MAPKBP1: variants seen among roughly 807,000 people sequenced by gnomAD.
The protein encoded by MAPKBP1 is mitogen-activated protein kinase binding protein 1, also known as mitogen-activated protein kinase-binding protein 1.
In MAPKBP1, 71 loss-of-function variants were observed where a neutral mutation model predicts 170.5. The ratio of observed to expected loss-of-function variants is 0.42; its 90% CI spans 0.34 to 0.51. The LOEUF (loss-of-function observed/expected upper bound fraction) is 0.51, where lower values mean the gene tolerates loss of function less well. Among genes scored for constraint, MAPKBP1 ranks in the 20% least tolerant of loss-of-function variants. The probability of loss-of-function intolerance (pLI) is 0.06; values close to 1 mark genes in which losing one functional copy is unlikely to be tolerated. For synonymous variants in MAPKBP1, 719 were observed against 757.9 expected, an observed-to-expected ratio of 0.95 and a Z score of 0.84; for missense variants, 1,598 against 1,933.0, an observed-to-expected ratio of 0.83 and a Z score of 3.25.
intron 6 of MAPKBP1, 93 bp from the exon 7 acceptor site, chr15:41,812,423 A>C: frequency 6.5e-7 from 1 of 1,533,068 alleles, no homozygotes; most frequent in Non-Finnish European, 9.0e-7. Context: ...CACTTTGTCA[A>C]GTACAAATTC....
chr15:41,781,027 C>CT (rs2064177336), intron 2 of MAPKBP1, among the ~76,000 whole-genome samples: 1 of 151,806 alleles, frequency 6.6e-6, no homozygotes, highest in Non-Finnish European at 1.5e-5. Context: ...AAATTCCCCC[C>CT]TCTCATTTTG....
intron 3 of MAPKBP1, among the ~76,000 whole-genome samples, chr15:41,806,631 T>TA (rs1022182326): frequency 1.3e-5 from 2 of 152,180 alleles, no homozygotes; most frequent in African/African-American, 4.8e-5. Flanking sequence ...GCTGAGGCCT[T>TA]ACGTCCTTCT....
intron 2 of MAPKBP1, among the ~76,000 whole-genome samples, chr15:41,779,500 C>T (rs183260548): frequency 5.9e-5 from 9 of 152,120 alleles, no homozygotes; most frequent in East Asian, 3.9e-4. Flanking sequence ...TGAGCCACCA[C>T]GCCCGGCCAG....
chr15:41,819,557 G>GGGGGCCCCCCCCCCCCCCCCCCC, intron 21 of MAPKBP1, 38 bp from the exon 22 acceptor site: 1 of 1,384,690 alleles, frequency 7.2e-7, no homozygotes, highest in Non-Finnish European at 1.0e-6. Flanking sequence ...CGGGGGGGGG[G>GGGGGCCCCCCCCCCCCCCCCCCC]CAGGAGACAC....
rs138326762 is a variant in MAPKBP1 at position 41,819,608 on chromosome 15, C to A, written c.2439C>A (p.Ser813Arg). 1.9e-6 allele frequency: 3 copies of A among 1,612,778 alleles called. No individual in the cohort carries two copies. The highest frequency in any genetic ancestry group is 1.3e-5 in the African/African-American group (1 of 74,844). The change falls in exon 22 of 31, where the codon AGC becomes AGA. Residue 813 changes from serine (S) to arginine (R), a missense_variant. Ser to Arg is a moderately radical substitution (Grantham distance 110). This residue lies in a region of MAPKBP1 where 942 missense variants were observed against 953.2 expected (regional missense o/e 0.99). Transcript: ENST00000457542. ...GTTTCTGTCTAGCCTCGGTCCCCAG[C>A]CCAGCTTTGCCCCGAAGCCTGTCCC... is the stretch of plus-strand genomic sequence containing the variant. ...STKKALASVPSPALPRSLSHW... is the reference protein window; with the variant it reads ...STKKALASVPRPALPRSLSHW...
In MAPKBP1 at chr15:41,817,712, C is replaced by G; in HGVS notation, c.1881C>G (p.Ile627Met). The change falls in exon 16 of 31, where the codon ATC becomes ATG. Residue 627 changes from isoleucine (I) to methionine (M), a missense_variant. Physicochemically the swap from Ile to Met is conservative, Grantham distance 10. This residue lies in a region of MAPKBP1 where 430 missense variants were observed against 617.2 expected (regional missense o/e 0.70). Transcript: ENST00000457542. This position sits in a 1 kb window ranked among gnomAD's most constrained non-coding sequence, Gnocchi z 4.2. ...DVEPSWKYTA[I>M]GCQDRNIRIF... ...AGCCCAGCTGGAAGTACACGGCTATCGGCTGCCAGGACCGAAATATTCGGT... is the reference window on the plus strand; with the variant it reads ...AGCCCAGCTGGAAGTACACGGCTATGGGCTGCCAGGACCGAAATATTCGGT... The G allele has an allele frequency of 6.2e-7, 1 of 1,613,982 alleles. No individual in the cohort carries two copies.
At chr15:41,805,437 C>T (rs2152075809) in intron 3 of MAPKBP1, among the ~76,000 whole-genome samples, 1 of 152,366 alleles carries the variant, frequency 6.6e-6, no homozygotes, top group South Asian at 2.1e-4. Flanking sequence ...GTGCCCAGTC[C>T]TGAGAATGGG....
intron 28 of MAPKBP1, 80 bp downstream of exon 28, chr15:41,823,302 G>T: frequency 6.4e-7 from 1 of 1,556,906 alleles, no homozygotes; most frequent in Non-Finnish European, 8.7e-7. Context: ...AGGGCCTGGT[G>T]TGGCCCTGAT....
intron 9 of MAPKBP1, among the ~76,000 whole-genome samples, chr15:41,814,330 G>T (rs2064854153): frequency 6.6e-6 from 1 of 152,206 alleles, no homozygotes; most frequent in Admixed American, 6.5e-5. Flanking sequence ...TAACGTTGGT[G>T]TTCTGTGAAG....
At chr15:41,787,543 T>G (rs2064320512) in intron 2 of MAPKBP1, among the ~76,000 whole-genome samples, 1 of 152,100 alleles carries the variant, frequency 6.6e-6, no homozygotes, top group African/African-American at 2.4e-5. Flanking sequence ...AATTTTTGTA[T>G]TTTTAGTAGA....
chr15:41,817,041 G>A lies in MAPKBP1; in HGVS notation c.1711+6G>A. On this transcript the variant is annotated splice_donor_region_variant and intron_variant, in intron 14 of 30. Coordinates refer to ENST00000457542, the MANE Select transcript of MAPKBP1 (RefSeq NM_014994.3). The surrounding 1 kb of genome is among the most constrained non-coding windows in gnomAD (Gnocchi z 4.2). ...CACTGCTGTTAAGTTTGCAGGTGCG[G>A]GCAGGGTGAATGAGACACATCCTGC... 1 of 1,578,592 alleles carries A rather than the reference G, an allele frequency of 6.3e-7. No individual in the cohort carries two copies. The highest frequency in any genetic ancestry group is 8.6e-7 in the Non-Finnish European group (1 of 1,158,958).
At chr15:41,811,493 G>A in intron 5 of MAPKBP1, 1 of 685,586 alleles carries the variant, frequency 1.5e-6, no homozygotes, top group Non-Finnish European at 2.7e-6. Context: ...TCTGAAATGT[G>A]CATTTGTAAC....
chr15:41,800,014 AGAT>A, intron 3 of MAPKBP1, 100 bp downstream of exon 3: 15 of 965,648 alleles, frequency 1.6e-5, no homozygotes, highest in South Asian at 2.7e-5. Context: ...TCTGGAAGAT[AGAT>A]ACAGGTTAAT....
At chr15:41,812,252 A>G in intron 6 of MAPKBP1, 125 bp downstream of exon 6, 1 of 1,393,766 alleles carries the variant, frequency 7.2e-7, no homozygotes, top group Non-Finnish European at 9.9e-7. Context: ...CTAGAAAGTT[A>G]TTTGAAGCAG....
Position 41,827,731 on chromosome 15 carries a change from T to G in MAPKBP1, c.*2295T>G. 1 of 173,396 alleles carries G rather than the reference T, an allele frequency of 5.8e-6. No homozygotes were observed. The highest frequency in any genetic ancestry group is 1.2e-5 in the Non-Finnish European group (1 of 81,970). The allele number at this position is 173,396 out of a possible 1,614,324, so 10.7% of individuals were successfully genotyped here. ...TTTGAAAGCCCCTTATTTATAACTT[T>G]TATACTTTGTGCAGGTCGCGGCGCT... On this transcript the variant is annotated 3_prime_UTR_variant, in exon 31 of 31. Coordinates refer to ENST00000457542, the MANE Select transcript of MAPKBP1 (RefSeq NM_014994.3).
In MAPKBP1 at chr15:41,795,021, C is replaced by T. The variant is rs141193970; in HGVS notation, c.115-4802C>T. ...CTCTACCAAAAATACAAAAATTAGC[C>T]GGGCATGATGGTGGGCACCTGTAAT... On this transcript the variant is annotated intron_variant, in intron 2 of 30. Coordinates refer to ENST00000457542, the MANE Select transcript of MAPKBP1 (RefSeq NM_014994.3). Among the ~76,000 whole-genome samples, 577 of 151,886 alleles carry T rather than the reference C, an allele frequency of 3.8e-3. 3 individuals carry two copies. Among genetic ancestry groups the T allele is most frequent in the African/African-American group, 0.013 (553 of 41,444 alleles).
intron 6 of MAPKBP1, among the ~76,000 whole-genome samples, 184 bp downstream of exon 6, chr15:41,812,311 A>G (rs1444880187): frequency 1.3e-5 from 2 of 152,218 alleles, no homozygotes; most frequent in African/African-American, 4.8e-5. Flanking sequence ...GGCTAGCTTT[A>G]TGCCTTCAAA....
At position 41,819,253 on chromosome 15, in the gene MAPKBP1, G is replaced by C. The variant is rs980499574; in HGVS notation, c.2299G>C (p.Ala767Pro). 2 of 1,613,952 alleles carry C rather than the reference G, an allele frequency of 1.2e-6. No homozygotes were observed. Among genetic ancestry groups the C allele is most frequent in the East Asian group, 2.2e-5 (1 of 44,866 alleles). Residue 767 changes from alanine (A) to proline (P), a missense_variant, in exon 21 of 31, where the codon GCC becomes CCC. Coordinates refer to ENST00000457542, the MANE Select transcript of MAPKBP1 (RefSeq NM_014994.3). ...QRASGPNRHQ[A>P]PSMLSPGPAL... is the part of the protein sequence containing the mutation. ...TCCTTGTCTCGGACTCAGGCACCAG[G>C]CCCCATCAATGCTGTCTCCTGGACC...
chr15:41,823,155 A>C lies in MAPKBP1; in HGVS notation c.3531A>C (p.Arg1177Ser). 1 of 1,613,630 alleles carries C rather than the reference A, an allele frequency of 6.2e-7. No homozygotes were observed. The highest frequency in any genetic ancestry group is 8.5e-7 in the Non-Finnish European group (1 of 1,180,018). Residue 1177 changes from arginine to serine, a missense_variant, in exon 28 of 31, where the codon AGA becomes AGC. Arg to Ser is a moderately radical substitution (Grantham distance 110). Coordinates refer to ENST00000457542, the MANE Select transcript of MAPKBP1 (RefSeq NM_014994.3). Reference protein sequence around the residue: ...LNPDSSWAPKRVATASPFSGL... With the variant: ...LNPDSSWAPKSVATASPFSGL... ...CTGACAGCAGCTGGGCTCCCAAGAG[A>C]GTGGCCACAGCCAGCCCCTTTTCTG...
Sources: gnomAD v4.1 joint callset for allele counts (sites outside exome capture counted in the v4.1 genomes callset) on GRCh38, gnomAD v4.1.1 for gene constraint, gnomAD v4.1.1 regional missense constraint, Gnocchi (gnomAD v3.1) non-coding constraint, MANE v1.5 for transcripts, NCBI Gene and HGNC (gene_info 2026-07-23, HGNC 2026-07-21) for gene names.